The following CNTLN variants were observed in gnomAD, a reference collection of about 807,000 sequenced individuals.
The protein encoded by CNTLN is centlein, also known as centlein, centrosomal protein.
Under a neutral mutation model 180.0 loss-of-function variants are expected in CNTLN, and 212 were observed. The observed-to-expected ratio is 1.18, with a 90% CI of 1.05 to 1.32. The LOEUF (loss-of-function observed/expected upper bound fraction) is 1.32, where lower values mean the gene tolerates loss of function less well. CNTLN is among the 40% of genes most tolerant of loss of function. CNTLN has a pLI of 0.00. For missense variants in CNTLN, 2,095 were observed against 1,610.9 expected (o/e 1.30, Z -5.14); for synonymous variants, 722 against 563.1 (o/e 1.28, Z -3.99).
intron 13 of CNTLN, among the ~76,000 whole-genome samples, chr9:17,369,654 G>A (rs190860167): frequency 6.6e-6 from 1 of 151,674 alleles, no homozygotes; most frequent in East Asian, 2.0e-4. Flanking sequence ...TGATCAAGCA[G>A]AAGAAGGAAT....
chr9:17,173,390 T>C (rs1266411913), intron 2 of CNTLN, among the ~76,000 whole-genome samples: 1 of 152,182 alleles, frequency 6.6e-6, no homozygotes, highest in Non-Finnish European at 1.5e-5. Context: ...ATTTTAAAAA[T>C]AGTTTCTACC....
chr9:17,301,264 C>G lies in CNTLN; in HGVS notation c.1146+2912C>G. On this transcript the variant is annotated intron_variant, in intron 7 of 25. Coordinates refer to ENST00000380647, the MANE Select transcript of CNTLN (RefSeq NM_017738.4). ...CCCTATTTGGCGAACTTGCCGTAAC[C>G]TAAATTGTGATCTGGGGTACATTTT... The G allele has an allele frequency of 4.1e-6, 4 of 985,380 alleles. No individual in the cohort carries two copies. In the South Asian group the frequency reaches 1.4e-4, roughly 35 times the overall value. 61.0% of individuals were successfully genotyped at this position (985,380 alleles called of 1,614,324 possible).
At chr9:17,256,890 T>C (rs1587360796) in intron 5 of CNTLN, among the ~76,000 whole-genome samples, 1 of 151,964 alleles carries the variant, frequency 6.6e-6, no homozygotes, top group Non-Finnish European at 1.5e-5. Flanking sequence ...AACTTCAGAA[T>C]GAATGATTCC....
In CNTLN at chr9:17,409,328, G is replaced by A. The variant is rs371893913; in HGVS notation, c.2651G>A (p.Gly884Glu). The change falls in exon 16 of 26, where the codon GGA (glycine) becomes GAA (glutamate). Residue 884 changes from glycine to glutamate, a missense_variant. Gly to Glu is a moderately conservative substitution (Grantham distance 98). Transcript: ENST00000380647. ...DSEAQTSQTL[G>E]TIIVETSQKI... ...GAAGCACAGACCTCTCAAACTTTGG[G>A]AACAATTATTGTAGAAACATCCCAG... 2 of 1,612,578 alleles carry A rather than the reference G, an allele frequency of 1.2e-6. No homozygotes were observed. The highest frequency in any genetic ancestry group is 2.7e-5 in the African/African-American group (2 of 74,752).
At chr9:17,252,515 A>G (rs1351343779) in intron 5 of CNTLN, among the ~76,000 whole-genome samples, 3 of 151,712 alleles carry the variant, frequency 2.0e-5, no homozygotes, top group Admixed American at 6.6e-5. Context: ...AGCATTTTTC[A>G]TATACCTGTT....
chr9:17,419,021 G>C (rs894062193), intron 18 of CNTLN, among the ~76,000 whole-genome samples: 1 of 152,012 alleles, frequency 6.6e-6, no homozygotes, highest in African/African-American at 2.4e-5. Flanking sequence ...AACTGTATAG[G>C]CCAAACTGCT....
rs1043132819 is a variant in CNTLN, at chr9:17,416,307, C to G, written c.3114+118C>G. 4 of 787,448 alleles carry G rather than the reference C, an allele frequency of 5.1e-6. No individual in the cohort carries two copies. In the African/African-American group the frequency reaches 5.3e-5, roughly 10 times the overall value. 48.8% of individuals were successfully genotyped at this position (787,448 alleles called of 1,614,324 possible). On this transcript the variant is annotated intron_variant, in intron 18 of 25. Coordinates refer to ENST00000380647, the MANE Select transcript of CNTLN (RefSeq NM_017738.4). Reference sequence around the variant, plus strand: ...GGCAGGTCTATGAGTTTTAAAAAATCCCAGGCACTGTTTACTAGTGTAATT... The same window carrying G: ...GGCAGGTCTATGAGTTTTAAAAAATGCCAGGCACTGTTTACTAGTGTAATT...
chr9:17,204,412 G>T (rs1161920013), intron 2 of CNTLN, among the ~76,000 whole-genome samples: 1 of 151,942 alleles, frequency 6.6e-6, no homozygotes, highest in East Asian at 1.9e-4. Context: ...ATTGCTTTCT[G>T]TTTGTTAGTT....
intron 16 of CNTLN, 39 bp from the exon 17 acceptor site, chr9:17,415,749 T>G (rs1828173096): frequency 8.3e-7 from 1 of 1,201,436 alleles, no homozygotes; most frequent in Non-Finnish European, 1.2e-6. Context: ...ATGTTGTTAT[T>G]GAAGAATAAT....
chr9:17,392,549 A>G (rs1462268709), intron 14 of CNTLN, among the ~76,000 whole-genome samples: 3 of 152,182 alleles, frequency 2.0e-5, no homozygotes, highest in Non-Finnish European at 1.5e-5. Context: ...GAACAATACA[A>G]TCTCTTTCAC....
In CNTLN at chr9:17,327,213, CTTTTTTTT is replaced by C. The variant is rs71492913; in HGVS notation, c.1342-3408_1342-3401del. Among the ~76,000 whole-genome samples the C allele has an allele frequency of 2.0e-4, 23 of 117,774 alleles. No individual in the cohort carries two copies. In the South Asian group the frequency reaches 5.1e-3, roughly 26 times the overall value. The allele number at this position is 117,774 out of a possible 152,430, so 77.3% of individuals were successfully genotyped here. A position where few individuals can be genotyped will look rare whatever the true frequency, so the allele number is the denominator to read the frequency against. ...AAATGACAAAAATATAGTAGTTAAC[CTTTTTTTT>C]TTTTTTTTTTGAGATGGAGTCTCAC... On this transcript the variant is annotated intron_variant, in intron 8 of 25. Coordinates refer to ENST00000380647, the MANE Select transcript of CNTLN (RefSeq NM_017738.4).
Position 17,367,258 on chromosome 9 carries a change from A to C in CNTLN, c.1987+541A>C, listed in dbSNP as rs186203034. On this transcript the variant is annotated intron_variant, in intron 13 of 25. Coordinates refer to ENST00000380647, the MANE Select transcript of CNTLN (RefSeq NM_017738.4). The stretch of plus-strand genomic sequence containing the variant: ...TTGCCCTGTCATAGCAGAGAGCAAA[A>C]CCGGGCCAAATGCATCTCATGCCTG... 3.3e-4 allele frequency among the ~76,000 whole-genome samples: 50 copies of C among 152,290 alleles called. No homozygotes were observed. The East Asian group carries it at 9.1e-3, about 28-fold the overall frequency.
chr9:17,506,072 C>T (rs1033706608), downstream of CNTLN, among the ~76,000 whole-genome samples: 3 of 45,648 alleles, frequency 6.6e-5, no homozygotes, highest in African/African-American at 1.6e-4. Context: ...AGTTGGGCAT[C>T]TTGGGTTAAA....
At chr9:17,472,229 G>T (rs1832076622) in intron 23 of CNTLN, among the ~76,000 whole-genome samples, 1 of 152,054 alleles carries the variant, frequency 6.6e-6, no homozygotes, top group South Asian at 2.1e-4. Flanking sequence ...GTACATGAGG[G>T]TTGATCTTGG....
chr9:17,324,949 G>A (rs1820164782), intron 8 of CNTLN, among the ~76,000 whole-genome samples: 2 of 151,814 alleles, frequency 1.3e-5, no homozygotes, highest in African/African-American at 4.8e-5. Flanking sequence ...AATTACAAAT[G>A]CTACCTGAAA....
chr9:17,457,455 A>G (rs1831196268), intron 18 of CNTLN, 69 bp from the exon 19 acceptor site: 1 of 845,432 alleles, frequency 1.2e-6, no homozygotes, highest in African/African-American at 1.8e-5. Flanking sequence ...TTTTATGCTG[A>G]TAATTGTTAG....
At chr9:17,396,018 GTGGCC>G (rs1359279177) in intron 15 of CNTLN, among the ~76,000 whole-genome samples, 1 of 151,752 alleles carries the variant, frequency 6.6e-6, no homozygotes, top group Admixed American at 6.6e-5. Flanking sequence ...CAAAACCAAG[GTGGCC>G]ACAAGAGTGA....
In CNTLN at chr9:17,369,012, C is replaced by G. The variant is rs143781340; in HGVS notation, c.1987+2295C>G. Among the ~76,000 whole-genome samples the G allele has an allele frequency of 9.3e-4, 141 of 152,290 alleles. 1 individual carries two copies. The highest frequency in any genetic ancestry group is 1.7e-3 in the Non-Finnish European group (114 of 68,020). ...AAACATCCATAAGGATCAAGACTAT[C>G]CAAGTGATAGGTTACGCTTTGTGTC... is the stretch of plus-strand genomic sequence containing the variant. On this transcript the variant is annotated intron_variant, in intron 13 of 25. Transcript: ENST00000380647.
At chr9:17,489,135 C>T (rs955386525) in intron 25 of CNTLN, among the ~76,000 whole-genome samples, 2 of 147,528 alleles carry the variant, frequency 1.4e-5, no homozygotes, top group African/African-American at 2.5e-5. Context: ...TAGAAAACAC[C>T]TTTTTTTTTT....
Sources: allele counts gnomAD v4.1 joint callset (sites outside exome capture counted in the v4.1 genomes callset), GRCh38; gene constraint gnomAD v4.1.1; transcripts MANE v1.5; gene names NCBI Gene and HGNC (gene_info 2026-07-23, HGNC 2026-07-21).